The following PRMT7 variants were observed in gnomAD, a reference collection of about 807,000 sequenced individuals.
PRMT7 encodes protein arginine N-methyltransferase 7.
PRMT7 carries 75 observed loss-of-function variants against 85.4 expected under a neutral mutation model. That is an observed-to-expected ratio of 0.88 (90% CI 0.73 to 1.06). The LOEUF (loss-of-function observed/expected upper bound fraction) is 1.06. PRMT7 is among the 50% of genes least tolerant of loss of function. The pLI is 0.00. For missense variants in PRMT7, 868 were observed against 915.2 expected (o/e 0.95, Z 0.67); for synonymous variants, 397 against 359.5 (o/e 1.10, Z -1.18).
chr16:68,340,108 AAAGC>A, intron 9 of PRMT7, 140 bp downstream of exon 9: 7 of 935,142 alleles, frequency 7.5e-6, no homozygotes, highest in Non-Finnish European at 9.4e-6. Flanking sequence ...AAGTTTTTAA[AAAGC>A]AAGCAAAGGC....
At chr16:68,317,523 C>T (rs1422069940) in intron 3 of PRMT7, among the ~76,000 whole-genome samples, 2 of 151,856 alleles carry the variant, frequency 1.3e-5, no homozygotes, top group Non-Finnish European at 2.9e-5. Flanking sequence ...CACTGTCTCA[C>T]AAACAAACAA....
chr16:68,354,109 G>A (rs185447704), intron 16 of PRMT7, among the ~76,000 whole-genome samples: 1 of 152,308 alleles, frequency 6.6e-6, no homozygotes, highest in Admixed American at 6.5e-5. Flanking sequence ...AAATGCACGT[G>A]GCTCCTGCTT....
At chr16:68,330,978 AAATG>A (rs1467183156) in intron 6 of PRMT7, among the ~76,000 whole-genome samples, 1 of 152,214 alleles carries the variant, frequency 6.6e-6, no homozygotes, top group Non-Finnish European at 1.5e-5. Context: ...GATTTACATT[AAATG>A]AATATCCATT....
At position 68,347,636 on chromosome 16, in the gene PRMT7, T is replaced by C. The variant is rs111495561; in HGVS notation, c.1281T>C (p.Phe427=). Residue 427 remains phenylalanine (F), a synonymous_variant, in exon 13 of 19, where the codon TTT becomes TTC. Transcript: ENST00000441236. ...LAHHLGVEQV[F]TVESSAASHK... Reference sequence around the variant, plus strand: ...TAGCGTGGTGTTCCCTCTAGGTGTTTACAGTCGAGAGTTCAGCAGCTTCTC... The same window carrying C: ...TAGCGTGGTGTTCCCTCTAGGTGTTCACAGTCGAGAGTTCAGCAGCTTCTC... 41 of 1,613,628 alleles carry C rather than the reference T, an allele frequency of 2.5e-5. No individual in the cohort carries two copies. The African/African-American group carries it at 2.9e-4, about 12-fold the overall frequency.
chr16:68,339,483 A>T lies in PRMT7; in HGVS notation c.666A>T (p.Ala222=), dbSNP rs759805409. ...PPVDVESCPG[A]PSVCDIQLNQ... is the part of the protein sequence containing the mutation. ...TTGACGTGGAGAGCTGCCCTGGCGC[A>T]CCCTCTGTCTGTGACATTCAGCTGA... Residue 222 remains alanine (A), a synonymous_variant, in exon 8 of 19, where the codon GCA becomes GCT. Coordinates refer to ENST00000441236, the MANE Select transcript of PRMT7 (RefSeq NM_019023.5). The T allele has an allele frequency of 2.5e-6, 4 of 1,614,068 alleles. No individual in the cohort carries two copies. The South Asian group carries it at 4.4e-5, about 18-fold the overall frequency.
In PRMT7 at chr16:68,329,730, A is replaced by G. The variant is rs559005110; in HGVS notation, c.391+556A>G. Among the ~76,000 whole-genome samples the G allele has an allele frequency of 7.2e-5, 11 of 152,226 alleles. No homozygotes were observed. In the South Asian group the frequency reaches 2.1e-3, roughly 29 times the overall value. On this transcript the variant is annotated intron_variant, in intron 6 of 18. Transcript: ENST00000441236. Reference sequence around the variant, plus strand: ...TAAAAATACAAAAAATTAGCCAGGCATGGTGGTGGGCACCTGTAGTCCCAG... The same window carrying G: ...TAAAAATACAAAAAATTAGCCAGGCGTGGTGGTGGGCACCTGTAGTCCCAG...
intron 1 of PRMT7, chr16:68,311,405 G>A (rs974543824): frequency 1.6e-5 from 4 of 254,750 alleles, no homozygotes; most frequent in Admixed American, 1.0e-4. Context: ...TGGGCCACGA[G>A]TTCTCTGATT....
At chr16:68,340,721 C>T (rs545388369) in intron 9 of PRMT7, among the ~76,000 whole-genome samples, 3 of 152,160 alleles carry the variant, frequency 2.0e-5, no homozygotes, top group African/African-American at 4.8e-5. Flanking sequence ...GTCATCAGAA[C>T]GTTTCAGGTA....
Position 68,352,329 on chromosome 16 carries a change from G to T in PRMT7, c.1495G>T (p.Ala499Ser), listed in dbSNP as rs376022174. 3 of 1,612,666 alleles carry T rather than the reference G, an allele frequency of 1.9e-6. No homozygotes were observed. Among genetic ancestry groups the T allele is most frequent in the South Asian group, 2.2e-5 (2 of 91,068 alleles). Residue 499 changes from alanine (A) to serine (S), a missense_variant, in exon 15 of 19, where the codon GCT (alanine) becomes TCT (serine). Ala to Ser is a moderately conservative substitution (Grantham distance 99). Coordinates refer to ENST00000441236, the MANE Select transcript of PRMT7 (RefSeq NM_019023.5). ...HNLYFWYVRTAVDQHLGPGAM... is the reference protein window; with the variant it reads ...HNLYFWYVRTSVDQHLGPGAM... Reference sequence around the variant, plus strand: ...CCTCTACTTCTGGTACGTGCGGACCGCTGTGGACCAGCACCTGGGGCCAGG... The same window carrying T: ...CCTCTACTTCTGGTACGTGCGGACCTCTGTGGACCAGCACCTGGGGCCAGG...
chr16:68,339,447 C>T lies in PRMT7; in HGVS notation c.630C>T (p.Ile210=), dbSNP rs201449196. The part of the protein sequence containing the change: ...HVQTSLGEQV[I]VPPVDVESCP... Reference sequence around the variant, plus strand: ...AGACCAGCCTCGGAGAGCAGGTCATCGTCCCTCCCGTTGACGTGGAGAGCT... The same window carrying T: ...AGACCAGCCTCGGAGAGCAGGTCATTGTCCCTCCCGTTGACGTGGAGAGCT... The change falls in exon 8 of 19, where the codon ATC becomes ATT. Residue 210 remains isoleucine, a synonymous_variant. Transcript: ENST00000441236. The T allele has an allele frequency of 4.0e-5, 65 of 1,614,206 alleles. No homozygotes were observed. In the African/African-American group the frequency reaches 4.7e-4, roughly 12 times the overall value.
chr16:68,329,806 G>A (rs956800574), intron 6 of PRMT7, among the ~76,000 whole-genome samples: 1 of 151,900 alleles, frequency 6.6e-6, no homozygotes, highest in Non-Finnish European at 1.5e-5. Context: ...CTGACATTCT[G>A]CTTCTGCATA....
intron 16 of PRMT7, 172 bp from the exon 17 acceptor site, chr16:68,355,551 T>G: frequency 7.0e-6 from 4 of 575,434 alleles, no homozygotes; most frequent in Non-Finnish European, 1.1e-5. Context: ...GAGCCACTGA[T>G]GAGAGAGAAG....
chr16:68,341,956 T>C (rs2085607840), intron 9 of PRMT7, among the ~76,000 whole-genome samples: 1 of 152,184 alleles, frequency 6.6e-6, no homozygotes, highest in South Asian at 2.1e-4. Context: ...AGTTTAAGTT[T>C]AATTTTGGGG....
downstream of PRMT7, chr16:68,359,236 G>C (rs1217546165): frequency 6.6e-6 from 1 of 152,540 alleles, no homozygotes; most frequent in African/African-American, 2.4e-5. Context: ...CCAGTCGCTT[G>C]TGTGAGCAGA....
At chr16:68,341,186 C>T (rs1357750006) in intron 9 of PRMT7, among the ~76,000 whole-genome samples, 1 of 152,138 alleles carries the variant, frequency 6.6e-6, no homozygotes, top group Admixed American at 6.5e-5. Context: ...GTTATTTACA[C>T]CCCCATCCAC....
At chr16:68,342,513 C>T (rs977152384) in intron 9 of PRMT7, among the ~76,000 whole-genome samples, 1 of 152,176 alleles carries the variant, frequency 6.6e-6, no homozygotes, top group African/African-American at 2.4e-5. Context: ...CATCCTTTGT[C>T]CATGGTCCAG....
chr16:68,315,717 C>A (rs1045803589), intron 2 of PRMT7, 180 bp from the exon 3 acceptor site: 5 of 440,094 alleles, frequency 1.1e-5, no homozygotes, highest in Non-Finnish European at 2.1e-5. Flanking sequence ...CTGCTGGAAA[C>A]ATTTACAATA....
chr16:68,353,730 G>T (rs1438724349), intron 16 of PRMT7, among the ~76,000 whole-genome samples, 164 bp downstream of exon 16: 17 of 152,210 alleles, frequency 1.1e-4, no homozygotes, highest in African/African-American at 3.1e-4. Flanking sequence ...TACCAGCCCT[G>T]TTCTTGGCTC....
At chr16:68,352,116 G>C in intron 14 of PRMT7, 132 bp from the exon 15 acceptor site, 1 of 907,874 alleles carries the variant, frequency 1.1e-6, no homozygotes, top group Middle Eastern at 3.5e-4. Context: ...GAGTGACTGA[G>C]TGAGGGAGGG....
Sources: allele counts gnomAD v4.1 joint callset (sites outside exome capture counted in the v4.1 genomes callset), GRCh38; gene constraint gnomAD v4.1.1; transcripts MANE v1.5; gene names NCBI Gene and HGNC (gene_info 2026-07-23, HGNC 2026-07-21).